The following DYM variants were observed in gnomAD, a reference collection of about 807,000 sequenced individuals.
The protein encoded by DYM is dyggve-Melchior-Clausen syndrome protein.
A neutral mutation model predicts 93.1 loss-of-function variants in DYM; 78 were observed. That is an observed-to-expected ratio of 0.84 (90% CI 0.70 to 1.01). DYM has a LOEUF of 1.01. Ranked by LOEUF, DYM falls within the 50% of genes least tolerant of loss-of-function variation. DYM has a pLI of 0.00. For missense variants in DYM, 789 were observed against 845.0 expected, an observed-to-expected ratio of 0.93 and a Z score of 0.82; for synonymous variants, 321 against 319.7, an observed-to-expected ratio of 1.00 and a Z score of -0.04.
chr18:49,377,925 G>A (rs1308032531), intron 5 of DYM, among the ~76,000 whole-genome samples: 2 of 152,174 alleles, frequency 1.3e-5, no homozygotes, highest in Admixed American at 6.5e-5. Flanking sequence ...CACAGGTGAC[G>A]CTGTCAGCCT....
chr18:49,105,736 C>T (rs1198983661), intron 16 of DYM, among the ~76,000 whole-genome samples: 2 of 152,158 alleles, frequency 1.3e-5, no homozygotes, highest in Non-Finnish European at 2.9e-5. Context: ...GTTTCTTAAT[C>T]CTGAGTTCTA....
At chr18:49,196,505 G>C (rs1185219093) in intron 14 of DYM, among the ~76,000 whole-genome samples, 2 of 152,104 alleles carry the variant, frequency 1.3e-5, no homozygotes, top group Non-Finnish European at 2.9e-5. Context: ...TACTCTTAGA[G>C]TGAGAGTGAC....
chr18:49,333,888 T>C, intron 6 of DYM, 35 bp from the exon 7 acceptor site: 1 of 1,584,950 alleles, frequency 6.3e-7, no homozygotes, highest in Non-Finnish European at 8.6e-7. Context: ...ACAGTCACTT[T>C]GGAAGATTAA....
At chr18:49,300,910 A>G (rs150759454) in intron 8 of DYM, among the ~76,000 whole-genome samples, 83 of 152,236 alleles carry the variant, frequency 5.5e-4, no homozygotes, top group African/African-American at 1.9e-3. Flanking sequence ...AGATAGAAAG[A>G]GTTTCTTCCC....
At chr18:49,441,786 C>T (rs898029055) in intron 1 of DYM, among the ~76,000 whole-genome samples, 2 of 151,922 alleles carry the variant, frequency 1.3e-5, no homozygotes. Flanking sequence ...GGCTAAAGAG[C>T]GAGAGACAGG....
chr18:49,153,611 C>A (rs976905225), intron 15 of DYM, among the ~76,000 whole-genome samples: 4 of 152,014 alleles, frequency 2.6e-5, no homozygotes, highest in African/African-American at 9.7e-5. Context: ...ATGTGAGCAA[C>A]AGAATAATAA....
At chr18:49,220,616 C>G (rs1024274165) in intron 13 of DYM, among the ~76,000 whole-genome samples, 1 of 152,044 alleles carries the variant, frequency 6.6e-6, no homozygotes, top group Non-Finnish European at 1.5e-5. Context: ...CTACAACTAT[C>G]TGATCGTTGA....
chr18:49,383,200 CCAATTCAAACAAAATGAGA>C (rs1477168393), intron 3 of DYM, among the ~76,000 whole-genome samples: 2 of 151,992 alleles, frequency 1.3e-5, no homozygotes, highest in African/African-American at 2.4e-5. Context: ...TATTTGGCCC[CCAATTCAAACAAAATGAGA>C]CAATTACAAA....
At chr18:49,215,116 T>A (rs2092969901) in intron 13 of DYM, among the ~76,000 whole-genome samples, 1 of 152,278 alleles carries the variant, frequency 6.6e-6, no homozygotes, top group African/African-American at 2.4e-5. Flanking sequence ...TAAATCCATT[T>A]GTTCTGTAAC....
chr18:49,215,068 A>T (rs1030212875), intron 13 of DYM, among the ~76,000 whole-genome samples: 2 of 152,248 alleles, frequency 1.3e-5, no homozygotes, highest in Admixed American at 6.5e-5. Context: ...ACAGATATGT[A>T]AATTCTAACA....
chr18:49,249,490 C>A (rs944461890), intron 13 of DYM, among the ~76,000 whole-genome samples: 1 of 152,034 alleles, frequency 6.6e-6, no homozygotes, highest in Non-Finnish European at 1.5e-5. Context: ...TCAGTGGGAA[C>A]AGAAGTGAGG....
rs114962380 is a variant in DYM, at chr18:49,204,034, T to C, written c.1625+5517A>G. Among the ~76,000 whole-genome samples the C allele has an allele frequency of 3.0e-3, 458 of 152,168 alleles. 2 individuals are homozygous for C. The highest frequency in any genetic ancestry group is 0.01 in the African/African-American group (423 of 41,526). On this transcript the variant is annotated intron_variant, in intron 14 of 17. Transcript: ENST00000675505. ...GAGTCTCTCTTTTACACAGCACCTA[T>C]ATCTAAAACTCTACCTAAATCAGGT...
At chr18:49,166,965 C>A (rs1401395315) in intron 14 of DYM, among the ~76,000 whole-genome samples, 2 of 149,320 alleles carry the variant, frequency 1.3e-5, no homozygotes, top group Admixed American at 6.7e-5. Flanking sequence ...GTTTAGCAAA[C>A]CTGGGATGTT....
intron 8 of DYM, among the ~76,000 whole-genome samples, chr18:49,325,274 C>T (rs561875595): frequency 2.0e-5 from 3 of 152,294 alleles, no homozygotes; most frequent in African/African-American, 7.2e-5. Context: ...AGGCTACTGA[C>T]CTCACAGCAA....
intron 6 of DYM, among the ~76,000 whole-genome samples, chr18:49,336,400 C>T (rs1156737418): frequency 2.0e-5 from 3 of 152,050 alleles, no homozygotes; most frequent in Admixed American, 6.6e-5. Flanking sequence ...CCTCTCTTAC[C>T]GTGGAATCCT....
chr18:49,098,982 G>C (rs2079846034), intron 16 of DYM, among the ~76,000 whole-genome samples: 1 of 152,090 alleles, frequency 6.6e-6, no homozygotes, highest in African/African-American at 2.4e-5. Context: ...GTTTTTCTGA[G>C]AAAAGAATTG....
intron 13 of DYM, among the ~76,000 whole-genome samples, chr18:49,232,925 A>G (rs1270527399): frequency 6.6e-6 from 1 of 152,050 alleles, no homozygotes; most frequent in Non-Finnish European, 1.5e-5. Context: ...GGAATTTCTT[A>G]TACTTAAAGT....
intron 3 of DYM, 37 bp from the exon 4 acceptor site, chr18:49,379,795 A>G: frequency 6.6e-7 from 1 of 1,505,872 alleles, no homozygotes; most frequent in Non-Finnish European, 9.2e-7. Context: ...AGTTAAATTT[A>G]AGAACTAAAA....
At position 49,057,680 on chromosome 18, in the gene DYM, C is replaced by G. The variant is rs1442927074; in HGVS notation, c.2026-13476G>C. 2.0e-5 allele frequency among the ~76,000 whole-genome samples: 3 copies of G among 152,300 alleles called. No homozygotes were observed. The East Asian group carries it at 5.8e-4, about 29-fold the overall frequency. On this transcript the variant is annotated intron_variant, in intron 17 of 17. Coordinates refer to ENST00000675505, the MANE Select transcript of DYM (RefSeq NM_001353214.3). ...GTAGGCAGCTGGCATTTCATGCTCCCCATGGCAACTGTCGCACTGATCAAT... is the reference window on the plus strand; with the variant it reads ...GTAGGCAGCTGGCATTTCATGCTCCGCATGGCAACTGTCGCACTGATCAAT...
Sources: gnomAD v4.1 joint callset for allele counts (sites outside exome capture counted in the v4.1 genomes callset) on GRCh38, gnomAD v4.1.1 for gene constraint, MANE v1.5 for transcripts, NCBI Gene and HGNC (gene_info 2026-07-23, HGNC 2026-07-21) for gene names.